The following FLI1 variants were observed in gnomAD, a reference collection of about 807,000 sequenced individuals.
FLI1 encodes Fli-1 proto-oncogene, ETS transcription factor.
Under a neutral mutation model 53.1 loss-of-function variants are expected in FLI1, and 13 were observed. That is an observed-to-expected ratio of 0.24 (90% CI 0.16 to 0.39). The LOEUF is 0.39. Ranked by LOEUF, FLI1 falls within the 10% of genes least tolerant of loss-of-function variation. The pLI, the probability that FLI1 is intolerant of heterozygous loss-of-function variation, is 1.00. For synonymous variants in FLI1, 244 were observed against 236.7 expected, an observed-to-expected ratio of 1.03 and a Z score of -0.28; for missense variants, 424 against 600.5, an observed-to-expected ratio of 0.71 and a Z score of 3.07.
chr11:128,803,115 G>C (rs530319420), intron 5 of FLI1, among the ~76,000 whole-genome samples: 1 of 133,048 alleles, frequency 7.5e-6, no homozygotes, highest in Admixed American at 7.2e-5. Context: ...AAGTTCAGAT[G>C]ACATGTACGA....
chr11:128,775,361 A>G (rs986425341), intron 4 of FLI1, among the ~76,000 whole-genome samples: 4 of 141,248 alleles, frequency 2.8e-5, no homozygotes, highest in Non-Finnish European at 4.5e-5. Context: ...GTGTTAAATT[A>G]AAAAAAAAAA....
At chr11:128,696,970 T>C (rs1565453585) in intron 1 of FLI1, among the ~76,000 whole-genome samples, 1 of 152,126 alleles carries the variant, frequency 6.6e-6, no homozygotes. Flanking sequence ...TCCTTATAAG[T>C]CCCTCCATAT....
chr11:128,702,751 A>C (rs1029362708), intron 1 of FLI1, among the ~76,000 whole-genome samples: 1 of 152,152 alleles, frequency 6.6e-6, no homozygotes, highest in African/African-American at 2.4e-5. Context: ...AGTCCCAGCT[A>C]CTTGGGAGGC....
chr11:128,725,914 T>G (rs1274562448), intron 1 of FLI1, among the ~76,000 whole-genome samples: 1 of 152,124 alleles, frequency 6.6e-6, no homozygotes, highest in African/African-American at 2.4e-5. Context: ...AAATGTGTCC[T>G]GGGCATGGGG....
At chr11:128,725,381 G>A (rs758001181) in intron 1 of FLI1, among the ~76,000 whole-genome samples, 3 of 152,264 alleles carry the variant, frequency 2.0e-5, no homozygotes, top group South Asian at 4.1e-4. Flanking sequence ...TAAGGCGGCC[G>A]GCCGGTCCAC....
chr11:128,727,928 G>A (rs2135747975), intron 1 of FLI1, among the ~76,000 whole-genome samples: 2 of 152,306 alleles, frequency 1.3e-5, no homozygotes, highest in Middle Eastern at 3.4e-3. Context: ...AGAAGAGCAG[G>A]CATTCCTGCT....
At position 128,694,157 on chromosome 11, in the gene FLI1, G is replaced by T. The variant is rs1214098603; in HGVS notation, c.-102G>T. 7.5e-7 allele frequency: 1 copy of T among 1,336,048 alleles called. No individual in the cohort carries two copies. Among genetic ancestry groups the T allele is most frequent in the Non-Finnish European group, 1.0e-6 (1 of 1,000,366 alleles). 82.8% of individuals were successfully genotyped at this position (1,336,048 alleles called of 1,614,324 possible). Reference sequence around the variant, plus strand: ...GGGGCACGCAGGGAGGGCCCAGGGCGCCAGGGAGGCCGCGCCGGGCTAATC... The same window carrying T: ...GGGGCACGCAGGGAGGGCCCAGGGCTCCAGGGAGGCCGCGCCGGGCTAATC... On this transcript the variant is annotated 5_prime_UTR_variant, in exon 1 of 9. Coordinates refer to ENST00000527786, the MANE Select transcript of FLI1 (RefSeq NM_002017.5).
chr11:128,787,837 C>T (rs184510749), intron 5 of FLI1, among the ~76,000 whole-genome samples: 18 of 134,254 alleles, frequency 1.3e-4, no homozygotes, highest in South Asian at 4.6e-4. Context: ...GATGGAGTCT[C>T]GCTCTGTCGC....
At chr11:128,743,012 G>A (rs1182869037) in intron 1 of FLI1, among the ~76,000 whole-genome samples, 2 of 152,072 alleles carry the variant, frequency 1.3e-5, no homozygotes, top group Non-Finnish European at 2.9e-5. Context: ...ATTGACTTTG[G>A]GTTTCTCATG....
At chr11:128,757,258 T>C (rs1940930016) in intron 1 of FLI1, among the ~76,000 whole-genome samples, 1 of 152,104 alleles carries the variant, frequency 6.6e-6, no homozygotes, top group Non-Finnish European at 1.5e-5. Context: ...AGGCTTCTTT[T>C]CTTAATCCAT....
At chr11:128,792,469 G>A (rs541697873) in intron 5 of FLI1, among the ~76,000 whole-genome samples, 17 of 152,298 alleles carry the variant, frequency 1.1e-4, no homozygotes, top group African/African-American at 3.6e-4. Context: ...GGGATGGGGC[G>A]GTGGTAATGG....
chr11:128,754,717 G>GGATCCAGCC (rs1294705485), intron 1 of FLI1, among the ~76,000 whole-genome samples: 2 of 152,210 alleles, frequency 1.3e-5, no homozygotes, highest in Non-Finnish European at 2.9e-5. Context: ...CAAGGGAGCT[G>GGATCCAGCC]GATCCAGCCA....
In FLI1 at chr11:128,702,415, T is replaced by G. The variant is rs1938371760; in HGVS notation, c.18+8139T>G. On this transcript the variant is annotated intron_variant, in intron 1 of 8. Coordinates refer to ENST00000527786, the MANE Select transcript of FLI1 (RefSeq NM_002017.5). Reference sequence around the variant, plus strand: ...AATCATAAGGATGGTTAGACACATTTTCTTAAAGGTAACAACCAGTTTATA... The same window carrying G: ...AATCATAAGGATGGTTAGACACATTGTCTTAAAGGTAACAACCAGTTTATA... Among the ~76,000 whole-genome samples, 5 of 152,364 alleles carry G rather than the reference T, an allele frequency of 3.3e-5. 1 individual carries two copies. In the South Asian group the frequency reaches 1.0e-3, roughly 32 times the overall value.
chr11:128,782,044 A>G, intron 5 of FLI1, 21 bp downstream of exon 5: 1 of 1,604,690 alleles, frequency 6.2e-7, no homozygotes, highest in Non-Finnish European at 8.5e-7. Context: ...TCTTTTGTGC[A>G]CTTAAAATTT....
chr11:128,798,105 A>G (rs2268610), intron 5 of FLI1, among the ~76,000 whole-genome samples: 17,697 of 152,198 alleles, frequency 0.12, 1,130 homozygotes, highest in East Asian at 0.26. Context: ...AAGCCTGATT[A>G]CCTAAGTGAA....
At chr11:128,717,112 T>C (rs1939047765) in intron 1 of FLI1, among the ~76,000 whole-genome samples, 2 of 152,106 alleles carry the variant, frequency 1.3e-5, no homozygotes, top group South Asian at 2.1e-4. Context: ...CACACGCTGC[T>C]CTGGGGAGAA....
intron 1 of FLI1, among the ~76,000 whole-genome samples, chr11:128,724,269 A>C (rs1278410305): frequency 6.6e-6 from 1 of 152,178 alleles, no homozygotes; most frequent in Non-Finnish European, 1.5e-5. Context: ...AACATGACTC[A>C]GAATTTACCA....
At chr11:128,780,171 A>T (rs3819825) in intron 4 of FLI1, among the ~76,000 whole-genome samples, 16,599 of 152,216 alleles carry the variant, frequency 0.11, 1,046 homozygotes, top group East Asian at 0.19. Flanking sequence ...TATTCATGTG[A>T]CTGTCTCATT....
At chr11:128,800,059 T>C (rs1363087132) in intron 5 of FLI1, among the ~76,000 whole-genome samples, 2 of 152,148 alleles carry the variant, frequency 1.3e-5, no homozygotes, top group South Asian at 2.1e-4. Context: ...TTGGCTCTCT[T>C]GGGAAGTTGA....
Sources: allele counts gnomAD v4.1 joint callset (sites outside exome capture counted in the v4.1 genomes callset), GRCh38; gene constraint gnomAD v4.1.1; transcripts MANE v1.5; gene names NCBI Gene and HGNC (gene_info 2026-07-23, HGNC 2026-07-21).